The following GLRA1 variants were observed in gnomAD, a reference collection of about 807,000 sequenced individuals.
GLRA1 encodes glycine receptor alpha 1, also known as glycine receptor subunit alpha-1.
In GLRA1, 37 loss-of-function variants were observed where a neutral mutation model predicts 48.3. That is an observed-to-expected ratio of 0.77 (90% CI 0.59 to 1.01). The LOEUF is 1.01. GLRA1 is among the 50% of genes least tolerant of loss of function. GLRA1 has a pLI of 0.00. For missense variants in GLRA1, 427 were observed against 571.0 expected, an observed-to-expected ratio of 0.75 and a Z score of 2.57; for synonymous variants, 196 against 210.7, an observed-to-expected ratio of 0.93 and a Z score of 0.60.
chr5:151,904,120 G>A (rs950766023), intron 1 of GLRA1, among the ~76,000 whole-genome samples: 12 of 152,224 alleles, frequency 7.9e-5, no homozygotes, highest in Non-Finnish European at 1.3e-4. Flanking sequence ...GAGATGGAAG[G>A]AAGAGTGATG....
At chr5:151,921,846 C>T (rs941343917) in intron 1 of GLRA1, among the ~76,000 whole-genome samples, 3 of 152,188 alleles carry the variant, frequency 2.0e-5, no homozygotes, top group Admixed American at 6.5e-5. Context: ...AATATCAAAT[C>T]AGGAACTTTA....
chr5:151,909,576 G>A (rs1261571256), intron 1 of GLRA1, among the ~76,000 whole-genome samples: 2 of 152,114 alleles, frequency 1.3e-5, no homozygotes, highest in Admixed American at 1.3e-4. Flanking sequence ...TTTATGTACT[G>A]TTATTTAATT....
rs556536905 is a variant in GLRA1 at position 151,843,678 on chromosome 5, C to G, written c.912+7712G>C. ...CACTTCCAAATTTTAAAAATTACTC[C>G]AAAGCTACAGTAATCAAAACGGTGT... On this transcript the variant is annotated intron_variant, in intron 7 of 8. Transcript: ENST00000274576. 4.6e-5 allele frequency among the ~76,000 whole-genome samples: 7 copies of G among 152,262 alleles called. No individual in the cohort carries two copies. In the South Asian group the frequency reaches 1.5e-3, roughly 32 times the overall value.
intron 1 of GLRA1, among the ~76,000 whole-genome samples, chr5:151,918,515 C>A (rs768599293): frequency 6.6e-6 from 1 of 152,092 alleles, no homozygotes; most frequent in Non-Finnish European, 1.5e-5. Context: ...TTTGTATGTT[C>A]ATTGTCCAAT....
intron 7 of GLRA1, chr5:151,850,415 G>T: frequency 8.3e-7 from 1 of 1,208,346 alleles, no homozygotes; most frequent in South Asian, 1.2e-5. Context: ...CTGGGAACAG[G>T]AAGTGTTCAG....
chr5:151,853,493 T>C (rs1752961346), intron 6 of GLRA1, among the ~76,000 whole-genome samples: 1 of 151,654 alleles, frequency 6.6e-6, no homozygotes, highest in Non-Finnish European at 1.5e-5. Flanking sequence ...TGGCCTCAAG[T>C]CATCCACCCG....
chr5:151,830,829 A>G (rs540730344), intron 7 of GLRA1, among the ~76,000 whole-genome samples: 2 of 152,362 alleles, frequency 1.3e-5, no homozygotes, highest in South Asian at 4.1e-4. Context: ...GCCACATTAT[A>G]TTATTAAAAT....
At chr5:151,867,409 G>A (rs1753365328) in intron 3 of GLRA1, among the ~76,000 whole-genome samples, 1 of 152,150 alleles carries the variant, frequency 6.6e-6, no homozygotes, top group Non-Finnish European at 1.5e-5. Context: ...TGCAGCCTCA[G>A]AGTATTTGGA....
At chr5:151,823,144 C>CG in intron 8 of GLRA1, among the ~76,000 whole-genome samples, 181 bp from the exon 9 acceptor site, 1 of 152,074 alleles carries the variant, frequency 6.6e-6, no homozygotes, top group Admixed American at 6.6e-5. Context: ...TATAGAGGGG[C>CG]GCCACTTGCC....
chr5:151,890,717 C>T lies in GLRA1; in HGVS notation c.184+1594G>A, dbSNP rs113115705. The stretch of plus-strand genomic sequence containing the variant: ...TTCTCTGGTTTTATTTTCTTATCTC[C>T]ACCCTGCTTCATTCATATACTATAG... On this transcript the variant is annotated intron_variant, in intron 2 of 8. Coordinates refer to ENST00000274576, the MANE Select transcript of GLRA1 (RefSeq NM_000171.4). 3.2e-3 allele frequency among the ~76,000 whole-genome samples: 485 copies of T among 152,316 alleles called. 1 individual carries two copies. The highest frequency in any genetic ancestry group is 0.011 in the African/African-American group (454 of 41,550).
intron 7 of GLRA1, chr5:151,849,192 C>CTTTCT (rs1279217280): frequency 2.3e-5 from 2 of 88,204 alleles, no homozygotes; most frequent in African/African-American, 1.1e-4. Context: ...TCTTTCTTTT[C>CTTTCT]TTTCTTTTCT....
intron 2 of GLRA1, among the ~76,000 whole-genome samples, chr5:151,891,433 AT>A (rs1250130022): frequency 2.6e-5 from 4 of 152,152 alleles, no homozygotes; most frequent in Admixed American, 6.5e-5. Flanking sequence ...TTTTATTTGA[AT>A]TTACATGTTT....
Position 151,892,395 on chromosome 5 carries a change from T to TG in GLRA1, c.99dup (p.Lys34GlnfsTer11), listed in dbSNP as rs772056555. The TG allele has an allele frequency of 1.9e-6, 3 of 1,614,038 alleles. No homozygotes were observed. The highest frequency in any genetic ancestry group is 2.5e-6 in the Non-Finnish European group (3 of 1,179,932). On this transcript the variant is annotated frameshift_variant, in exon 2 of 9. Transcript: ENST00000274576. LOFTEE classifies it high-confidence loss of function. ...AGGAAATCCGAGGGTGACATAGGCTTGGGTGCGGAGCGAGCAGCTTCAGCC... is the reference window on the plus strand; with the variant it reads ...AGGAAATCCGAGGGTGACATAGGCTTGGGGTGCGGAGCGAGCAGCTTCAGCC...
intron 7 of GLRA1, among the ~76,000 whole-genome samples, chr5:151,847,508 C>T (rs1198310513): frequency 6.6e-6 from 1 of 152,132 alleles, no homozygotes; most frequent in Non-Finnish European, 1.5e-5. Context: ...ATCACGAGGT[C>T]AGGAGTTCAA....
chr5:151,892,932 A>G (rs1754117633), intron 1 of GLRA1, among the ~76,000 whole-genome samples: 1 of 152,204 alleles, frequency 6.6e-6, no homozygotes, highest in Admixed American at 6.5e-5. Flanking sequence ...GCATTCTGGA[A>G]CACAAATTTT....
chr5:151,903,584 G>A (rs533008397), intron 1 of GLRA1, among the ~76,000 whole-genome samples: 2 of 152,232 alleles, frequency 1.3e-5, no homozygotes, highest in Non-Finnish European at 2.9e-5. Flanking sequence ...GTAGAATTAC[G>A]AGACCTAGTC....
At chr5:151,869,928 C>T (rs1282440079) in intron 3 of GLRA1, among the ~76,000 whole-genome samples, 2 of 149,362 alleles carry the variant, frequency 1.3e-5, no homozygotes, top group African/African-American at 5.1e-5. Flanking sequence ...CCCAATTTCA[C>T]ACTCTTTTGA....
At chr5:151,856,160 A>G in intron 5 of GLRA1, 141 bp downstream of exon 5, 1 of 649,384 alleles carries the variant, frequency 1.5e-6, no homozygotes, top group South Asian at 1.5e-5. Context: ...TCTAAAAGCA[A>G]AGTCCTTCAT....
At chr5:151,831,054 C>T (rs1763408653) in intron 7 of GLRA1, among the ~76,000 whole-genome samples, 1 of 152,212 alleles carries the variant, frequency 6.6e-6, no homozygotes, top group African/African-American at 2.4e-5. Flanking sequence ...GGTTGGGGAT[C>T]TCCCTCCCCT....
Sources: gnomAD v4.1 joint callset for allele counts (sites outside exome capture counted in the v4.1 genomes callset) on GRCh38, gnomAD v4.1.1 for gene constraint, MANE v1.5 for transcripts, NCBI Gene and HGNC (gene_info 2026-07-23, HGNC 2026-07-21) for gene names.